The following ACOXL variants were observed in gnomAD, a reference collection of about 807,000 sequenced individuals.
ACOXL encodes the protein acyl-CoA oxidase like.
In ACOXL, 70 loss-of-function variants were observed where a neutral mutation model predicts 71.9. That is an observed-to-expected ratio of 0.97 (90% confidence interval 0.80 to 1.19). ACOXL has a LOEUF of 1.19. Among genes scored for constraint, ACOXL ranks in the 50% most tolerant of loss-of-function variants. ACOXL has a pLI of 0.00. For missense variants in ACOXL, 703 were observed against 736.3 expected (o/e 0.95, Z 0.52); for synonymous variants, 253 against 281.6 (o/e 0.90, Z 1.02).
At chr2:111,059,955 G>A (rs1041738371) in intron 16 of ACOXL, among the ~76,000 whole-genome samples, 8 of 151,872 alleles carry the variant, frequency 5.3e-5, no homozygotes, top group Non-Finnish European at 1.2e-4. Flanking sequence ...GAGGGGAAGG[G>A]GTAGGGGAAA....
At chr2:111,049,152 C>CT in intron 15 of ACOXL, 66 bp from the exon 16 acceptor site, 1 of 1,262,580 alleles carries the variant, frequency 7.9e-7, no homozygotes, top group Non-Finnish European at 1.2e-6. Flanking sequence ...CAGTGTCCTC[C>CT]TTCACATCAG....
chr2:110,930,618 C>T (rs1205181110), intron 11 of ACOXL, among the ~76,000 whole-genome samples: 1 of 152,094 alleles, frequency 6.6e-6, no homozygotes, highest in Non-Finnish European at 1.5e-5. Flanking sequence ...TGGCTGTGTG[C>T]CCACCCAAAT....
intron 12 of ACOXL, among the ~76,000 whole-genome samples, chr2:110,944,769 T>G (rs556160180): frequency 1.4e-4 from 22 of 152,344 alleles, no homozygotes; most frequent in African/African-American, 4.8e-4. Flanking sequence ...AGGTTGATTT[T>G]ATGTCTTTGC....
At chr2:111,077,738 ATCTT>A (rs2067672568) in intron 16 of ACOXL, among the ~76,000 whole-genome samples, 1 of 152,180 alleles carries the variant, frequency 6.6e-6, no homozygotes, top group African/African-American at 2.4e-5. Flanking sequence ...TACTTGAAAA[ATCTT>A]TCTGGTCTCT....
At chr2:110,975,826 A>G (rs1182076619) in intron 12 of ACOXL, among the ~76,000 whole-genome samples, 4 of 152,074 alleles carry the variant, frequency 2.6e-5, no homozygotes, top group Non-Finnish European at 4.4e-5. Flanking sequence ...AAAAAATCCA[A>G]TGTAAGGGCT....
intron 1 of ACOXL, among the ~76,000 whole-genome samples, chr2:110,745,403 T>C (rs1678071953): frequency 6.6e-6 from 1 of 152,216 alleles, no homozygotes; most frequent in Non-Finnish European, 1.5e-5. Context: ...CTAGTCAGTG[T>C]CTGCCCACAC....
intron 9 of ACOXL, among the ~76,000 whole-genome samples, chr2:110,821,072 C>T (rs1403895875): frequency 1.3e-5 from 2 of 152,142 alleles, no homozygotes; most frequent in Non-Finnish European, 1.5e-5. Context: ...GGCTGTTGTA[C>T]CTCATAAGTT....
At position 110,915,424 on chromosome 2, in the gene ACOXL, A is replaced by ATT. The variant is rs1413512606; in HGVS notation, c.905+6520_905+6521insTT. On this transcript the variant is annotated intron_variant, in intron 11 of 17. Coordinates refer to ENST00000439055, the MANE Select transcript of ACOXL (RefSeq NM_001142807.4). ...TGTATATACATATATATATATATAT[A>ATT]TATATTTTTTTTTTTTTGAGATGGA... is the stretch of plus-strand genomic sequence containing the variant. Among the ~76,000 whole-genome samples the ATT allele has an allele frequency of 2.7e-5, 3 of 112,404 alleles. 1 individual carries two copies. Among genetic ancestry groups the ATT allele is most frequent in the African/African-American group, 1.1e-4 (3 of 28,064 alleles). The allele number at this position is 112,404 out of a possible 152,430, so 73.7% of individuals were successfully genotyped here. A position where few individuals can be genotyped will look rare whatever the true frequency, so the allele number is the denominator to read the frequency against.
intron 1 of ACOXL, among the ~76,000 whole-genome samples, chr2:110,744,066 T>C (rs750653072): frequency 7.2e-5 from 11 of 152,194 alleles, no homozygotes; most frequent in Non-Finnish European, 1.2e-4. Flanking sequence ...CTCCTAGTTG[T>C]GCCCTGTCTG....
intron 9 of ACOXL, among the ~76,000 whole-genome samples, chr2:110,806,664 T>G (rs1309830680): frequency 6.6e-6 from 1 of 152,156 alleles, no homozygotes; most frequent in Non-Finnish European, 1.5e-5. Flanking sequence ...CAATATCCCC[T>G]CTAATTGCAG....
chr2:110,742,003 C>T (rs1677608587), intron 1 of ACOXL, among the ~76,000 whole-genome samples: 1 of 152,176 alleles, frequency 6.6e-6, no homozygotes, highest in African/African-American at 2.4e-5. Flanking sequence ...CCCTGTCAGA[C>T]TCTGTGCCCC....
chr2:110,996,137 T>A, intron 14 of ACOXL, 133 bp downstream of exon 14: 2 of 702,312 alleles, frequency 2.8e-6, no homozygotes, highest in South Asian at 3.6e-5. Context: ...CTAGAGTTCC[T>A]ACGGGCCATT....
intron 17 of ACOXL, among the ~76,000 whole-genome samples, chr2:111,108,952 TTTAAA>T (rs1278718521): frequency 6.6e-6 from 1 of 152,210 alleles, no homozygotes; most frequent in Non-Finnish European, 1.5e-5. Context: ...TCATTCCTTT[TTTAAA>T]TTAATTTGTT....
intron 12 of ACOXL, among the ~76,000 whole-genome samples, chr2:110,982,307 G>C (rs922672653): frequency 1.3e-5 from 2 of 152,052 alleles, no homozygotes; most frequent in Non-Finnish European, 2.9e-5. Flanking sequence ...CTTACTTGTT[G>C]GTTTCTGTGC....
At chr2:110,930,599 G>A (rs1008809783) in intron 11 of ACOXL, among the ~76,000 whole-genome samples, 5 of 152,216 alleles carry the variant, frequency 3.3e-5, no homozygotes, top group Non-Finnish European at 5.9e-5. Context: ...GGTGTGGAAT[G>A]ATATGATTTG....
At chr2:110,770,427 G>C (rs1475274766) in intron 2 of ACOXL, among the ~76,000 whole-genome samples, 1 of 152,180 alleles carries the variant, frequency 6.6e-6, no homozygotes, top group African/African-American at 2.4e-5. Flanking sequence ...CAGAGCCTTG[G>C]CACCACCTGC....
At chr2:110,872,931 C>T (rs776698078) in intron 10 of ACOXL, among the ~76,000 whole-genome samples, 5 of 152,132 alleles carry the variant, frequency 3.3e-5, no homozygotes, top group Admixed American at 6.5e-5. Context: ...CACGGGGCTG[C>T]GGGAGCAGCA....
chr2:110,814,392 A>C (rs1306184403), intron 9 of ACOXL, among the ~76,000 whole-genome samples: 2 of 151,768 alleles, frequency 1.3e-5, no homozygotes, highest in East Asian at 3.9e-4. Context: ...AGGGCCATTT[A>C]GAATGAACAC....
intron 12 of ACOXL, among the ~76,000 whole-genome samples, chr2:110,939,291 A>C (rs1299267968): frequency 6.6e-6 from 1 of 152,238 alleles, no homozygotes; most frequent in South Asian, 2.1e-4. Context: ...TATCCATTGT[A>C]GAAAGTTTTG....
Sources: allele counts gnomAD v4.1 joint callset (sites outside exome capture counted in the v4.1 genomes callset), GRCh38; gene constraint gnomAD v4.1.1; transcripts MANE v1.5; gene names NCBI Gene and HGNC (gene_info 2026-07-23, HGNC 2026-07-21).